The following FSTL4 variants were observed in gnomAD, a reference collection of about 807,000 sequenced individuals.
FSTL4 encodes the protein follistatin-related protein 4.
In FSTL4, 28 loss-of-function variants were observed where a neutral mutation model predicts 78.2. That is an observed-to-expected ratio of 0.36 (90% CI 0.27 to 0.49). The LOEUF (loss-of-function observed/expected upper bound fraction) is 0.49, where lower values mean the gene tolerates loss of function less well. Among genes scored for constraint, FSTL4 ranks in the 20% least tolerant of loss-of-function variants. The probability of loss-of-function intolerance (pLI) is 0.98; values close to 1 mark genes in which losing one functional copy is unlikely to be tolerated. For missense variants in FSTL4, 922 were observed against 1,084.9 expected, an observed-to-expected ratio of 0.85 and a Z score of 2.11; for synonymous variants, 422 against 440.5, an observed-to-expected ratio of 0.96 and a Z score of 0.53.
rs79542026 is a variant in FSTL4 at position 133,604,194 on chromosome 5, G to A, written c.-10-201C>T. On this transcript the variant is annotated intron_variant, in intron 1 of 15. Transcript: ENST00000265342. ...CTAAAATGGCAATAATATGTACCTC[G>A]AAAGGCTTTTGTGAGGATTGAAGGA... is the stretch of plus-strand genomic sequence containing the variant. Among the ~76,000 whole-genome samples the A allele has an allele frequency of 9.6e-3, 1,459 of 152,206 alleles. 11 individuals are homozygous for A. The highest frequency in any genetic ancestry group is 0.026 in the African/African-American group (1,070 of 41,524).
At chr5:133,502,669 A>T (rs10793819) in intron 3 of FSTL4, among the ~76,000 whole-genome samples, 3 of 151,890 alleles carry the variant, frequency 2.0e-5, no homozygotes, top group Admixed American at 6.5e-5. Context: ...TCTTCCTCCC[A>T]CTCTGGCCAT....
chr5:133,628,099 G>A, the FSTL4 span, among the ~76,000 whole-genome samples: 1 of 152,104 alleles, frequency 6.6e-6, no homozygotes, highest in East Asian at 1.9e-4. Context: ...GAATCTCTGG[G>A]ACACAACTAA....
At chr5:133,217,499 T>G in intron 12 of FSTL4, 121 bp from the exon 13 acceptor site, 1 of 912,274 alleles carries the variant, frequency 1.1e-6, no homozygotes, top group South Asian at 1.8e-5. Context: ...ATCCTTTGGA[T>G]CCATAGAACA....
intron 6 of FSTL4, among the ~76,000 whole-genome samples, chr5:133,288,424 C>G (rs1443802814): frequency 2.0e-5 from 3 of 152,230 alleles, no homozygotes; most frequent in East Asian, 3.9e-4. Flanking sequence ...TGGGTCTGCC[C>G]AGGCCCCACT....
the FSTL4 span, among the ~76,000 whole-genome samples, chr5:133,762,282 G>A: frequency 6.6e-6 from 1 of 152,142 alleles, no homozygotes. Context: ...GTCTTTCCAT[G>A]CTTTTAAAGG....
intron 13 of FSTL4, among the ~76,000 whole-genome samples, chr5:133,211,581 A>T (rs1294772104): frequency 1.3e-5 from 2 of 152,216 alleles, no homozygotes; most frequent in East Asian, 3.8e-4. Context: ...TTTTCTAAAG[A>T]AGTAAGCATT....
chr5:133,799,238 G>A, the FSTL4 span, among the ~76,000 whole-genome samples: 36 of 137,718 alleles, frequency 2.6e-4, 7 homozygotes, highest in Non-Finnish European at 5.0e-4. Context: ...GTGGGCACCA[G>A]GCCCAGAGAT....
At chr5:133,380,810 T>C (rs536907622) in intron 4 of FSTL4, among the ~76,000 whole-genome samples, 1 of 144,934 alleles carries the variant, frequency 6.9e-6, no homozygotes, top group Non-Finnish European at 1.5e-5. Context: ...ATATAAAATA[T>C]ATATCATATA....
At chr5:133,742,879 A>T in the FSTL4 span, among the ~76,000 whole-genome samples, 5 of 152,076 alleles carry the variant, frequency 3.3e-5, no homozygotes, top group Admixed American at 2.0e-4. Context: ...CGCGCGGTGG[A>T]GATCAAAGTC....
intron 6 of FSTL4, among the ~76,000 whole-genome samples, chr5:133,292,737 CA>C (rs35265254): frequency 2.7e-4 from 39 of 145,438 alleles, no homozygotes; most frequent in South Asian, 4.4e-4. Flanking sequence ...TGAAAAGAGA[CA>C]AAAAAAAAAT....
At chr5:133,437,294 A>G (rs1195203314) in intron 3 of FSTL4, among the ~76,000 whole-genome samples, 1 of 152,198 alleles carries the variant, frequency 6.6e-6, no homozygotes, top group Non-Finnish European at 1.5e-5. Context: ...AGGTCTAAGT[A>G]GGAGCCGTCA....
chr5:133,357,815 C>A (rs540136807), intron 4 of FSTL4, among the ~76,000 whole-genome samples: 1 of 152,268 alleles, frequency 6.6e-6, no homozygotes, highest in East Asian at 1.9e-4. Flanking sequence ...ATGCTGAGGT[C>A]CCCAAAGGAG....
intron 8 of FSTL4, among the ~76,000 whole-genome samples, chr5:133,231,689 C>G (rs553321039): frequency 1.3e-5 from 2 of 152,124 alleles, no homozygotes; most frequent in African/African-American, 4.8e-5. Flanking sequence ...ATTACAGGCA[C>G]GTGCCACCAC....
At chr5:133,239,639 A>C (rs1366294172) in intron 7 of FSTL4, among the ~76,000 whole-genome samples, 1 of 151,748 alleles carries the variant, frequency 6.6e-6, no homozygotes, top group Admixed American at 6.6e-5. Context: ...TTGTAAATAC[A>C]CCAATCAGCA....
At chr5:133,442,762 T>C (rs1455690879) in intron 3 of FSTL4, among the ~76,000 whole-genome samples, 1 of 152,142 alleles carries the variant, frequency 6.6e-6, no homozygotes, top group Non-Finnish European at 1.5e-5. Flanking sequence ...CAATCAGGCT[T>C]TTGGAGTCAG....
chr5:133,784,497 A>G, the FSTL4 span, among the ~76,000 whole-genome samples: 540 of 152,352 alleles, frequency 3.5e-3, 5 homozygotes, highest in African/African-American at 0.013. Context: ...TGAGGTGGAC[A>G]TCATTGTTAT....
chr5:133,252,952 G>C (rs149791484), intron 6 of FSTL4, among the ~76,000 whole-genome samples: 1 of 152,154 alleles, frequency 6.6e-6, no homozygotes, highest in African/African-American at 2.4e-5. Context: ...GGAAAAACTC[G>C]TGCAAAATTA....
At chr5:133,686,580 C>T in the FSTL4 span, among the ~76,000 whole-genome samples, 2 of 152,228 alleles carry the variant, frequency 1.3e-5, no homozygotes, top group African/African-American at 2.4e-5. Context: ...ATGCCCATGT[C>T]TGTGCAGAAG....
chr5:133,214,323 T>C (rs1750838953), intron 13 of FSTL4, among the ~76,000 whole-genome samples: 2 of 152,170 alleles, frequency 1.3e-5, no homozygotes, highest in South Asian at 4.1e-4. Context: ...TTATTCAGAG[T>C]ATGTTCTCTG....
Sources: gnomAD v4.1 joint callset for allele counts (sites outside exome capture counted in the v4.1 genomes callset) on GRCh38, gnomAD v4.1.1 for gene constraint, MANE v1.5 for transcripts, NCBI Gene and HGNC (gene_info 2026-07-23, HGNC 2026-07-21) for gene names.